XDH: variants seen among roughly 807,000 people sequenced by gnomAD.
The protein encoded by XDH is xanthine dehydrogenase, also known as xanthine dehydrogenase/oxidase.
XDH carries 138 observed loss-of-function variants against 156.1 expected under a neutral mutation model. The ratio of observed to expected loss-of-function variants is 0.88; its 90% CI spans 0.77 to 1.02. XDH has a LOEUF of 1.02. XDH is among the 50% of genes least tolerant of loss of function. The probability of loss-of-function intolerance (pLI) is 0.00; values close to 1 mark genes in which losing one functional copy is unlikely to be tolerated. For missense variants in XDH, 1,849 were observed against 1,684.9 expected (o/e 1.10, Z -1.71); for synonymous variants, 669 against 625.7 (o/e 1.07, Z -1.03).
At chr2:31,404,681 G>A (rs969117397) in intron 2 of XDH, among the ~76,000 whole-genome samples, 3 of 152,126 alleles carry the variant, frequency 2.0e-5, no homozygotes, top group African/African-American at 7.2e-5. Flanking sequence ...AGACCTCCCA[G>A]GTAGATGGGC....
intron 1 of XDH, among the ~76,000 whole-genome samples, chr2:31,410,860 A>G (rs533097610): frequency 6.6e-6 from 1 of 152,378 alleles, no homozygotes; most frequent in Admixed American, 6.5e-5. Context: ...GTAATCTTGG[A>G]TTCCGGGCTG....
At chr2:31,385,215 C>T (rs1448962549) in intron 9 of XDH, among the ~76,000 whole-genome samples, 2 of 152,082 alleles carry the variant, frequency 1.3e-5, no homozygotes, top group African/African-American at 4.8e-5. Flanking sequence ...AAAAGAAGGA[C>T]CTCCTAAGAT....
At chr2:31,374,164 C>T (rs556054176) in intron 15 of XDH, among the ~76,000 whole-genome samples, 1 of 152,268 alleles carries the variant, frequency 6.6e-6, no homozygotes, top group African/African-American at 2.4e-5. Context: ...ACTGCTAGCC[C>T]CCCAGTGGAC....
At position 31,381,630 on chromosome 2, in the gene XDH, C is replaced by A; in HGVS notation, c.1132+3G>T. On this transcript the variant is annotated splice_donor_region_variant and intron_variant, in intron 12 of 35. Coordinates refer to ENST00000379416, the MANE Select transcript of XDH (RefSeq NM_000379.4). ...TCCTGGACCTCTGCTTCAGGCAGCTCACCTCTGGACACAAGTGTCAGCTTG... is the reference window on the plus strand; with the variant it reads ...TCCTGGACCTCTGCTTCAGGCAGCTAACCTCTGGACACAAGTGTCAGCTTG... The A allele has an allele frequency of 6.2e-7, 1 of 1,614,050 alleles. No homozygotes were observed. The highest frequency in any genetic ancestry group is 8.5e-7 in the Non-Finnish European group (1 of 1,179,994).
In XDH at chr2:31,376,947, G is replaced by A. The variant is rs45549336; in HGVS notation, c.1427+106C>T. 1,513 of 1,408,112 alleles carry A rather than the reference G, an allele frequency of 1.1e-3. 21 individuals are homozygous for A. In the African/African-American group the frequency reaches 0.019, roughly 18 times the overall value. 87.2% of individuals were successfully genotyped at this position (1,408,112 alleles called of 1,614,324 possible). A position where few individuals can be genotyped will look rare whatever the true frequency, so the allele number is the denominator to read the frequency against. ...AGTAGCAGTAGTTATGGTAGTAGTA[G>A]CAGCAATAGTAATACTACTGGTAGT... On this transcript the variant is annotated intron_variant, in intron 14 of 35. Coordinates refer to ENST00000379416, the MANE Select transcript of XDH (RefSeq NM_000379.4).
chr2:31,390,231 T>C (rs1686726303), intron 6 of XDH, among the ~76,000 whole-genome samples: 2 of 152,228 alleles, frequency 1.3e-5, no homozygotes, highest in South Asian at 2.1e-4. Context: ...TCCATGGTTT[T>C]GTCTTTTCTA....
intron 24 of XDH, among the ~76,000 whole-genome samples, chr2:31,359,734 G>A (rs1333068606): frequency 6.6e-6 from 1 of 152,178 alleles, no homozygotes; most frequent in African/African-American, 2.4e-5. Context: ...GACTGGCAGT[G>A]TGCCCTGAGT....
intron 30 of XDH, 100 bp from the exon 31 acceptor site, chr2:31,344,836 C>A: frequency 7.7e-7 from 1 of 1,292,304 alleles, no homozygotes; most frequent in Non-Finnish European, 1.1e-6. Flanking sequence ...GGAAGCCAAT[C>A]AACTCATTTT....
intron 24 of XDH, among the ~76,000 whole-genome samples, chr2:31,360,484 G>C (rs1349964024): frequency 6.6e-5 from 10 of 152,148 alleles, no homozygotes; most frequent in Non-Finnish European, 1.5e-4. Flanking sequence ...CTGGGTGACA[G>C]AGTGAGACTC....
intron 34 of XDH, among the ~76,000 whole-genome samples, chr2:31,338,118 T>C (rs2042612402): frequency 6.6e-6 from 1 of 152,218 alleles, no homozygotes; most frequent in South Asian, 2.1e-4. Context: ...TACTCGGTAA[T>C]TGTATTTTAC....
chr2:31,339,595 C>T lies in XDH; in HGVS notation c.3668G>A (p.Arg1223His), dbSNP rs762431704. The T allele has an allele frequency of 4.6e-5, 75 of 1,614,036 alleles. 2 individuals are homozygous for T. The highest frequency in any genetic ancestry group is 4.6e-4 in the South Asian group (42 of 91,086). The part of the protein sequence containing the change: ...HYSPEGSLHT[R>H]GPSTYKIPAF... ...CGGGATCTTGTAGGTGCTAGGGCCA[C>T]GGGTGTGCAGGCTCCCCTCGGGGGA... The change falls in exon 34 of 36, where the codon CGT (arginine) becomes CAT (histidine). Residue 1223 changes from arginine to histidine, a missense_variant. Coordinates refer to ENST00000379416, the MANE Select transcript of XDH (RefSeq NM_000379.4).
At chr2:31,341,469 A>G (rs1158219232) in intron 32 of XDH, 75 bp from the exon 33 acceptor site, 11 of 1,452,872 alleles carry the variant, frequency 7.6e-6, no homozygotes, top group Non-Finnish European at 1.0e-5. Context: ...ACTCATAGTG[A>G]CCCTCAGACT....
chr2:31,337,103 A>G (rs570492251), intron 35 of XDH, among the ~76,000 whole-genome samples: 4 of 152,228 alleles, frequency 2.6e-5, no homozygotes, highest in South Asian at 2.1e-4. Flanking sequence ...GCAGTAATCA[A>G]TCACCCTATA....
chr2:31,357,140 G>A (rs1685646091), intron 24 of XDH, among the ~76,000 whole-genome samples: 1 of 152,110 alleles, frequency 6.6e-6, no homozygotes, highest in Admixed American at 6.6e-5. Flanking sequence ...CATTAAAAAA[G>A]AGGAAAACAT....
Position 31,339,485 on chromosome 2 carries a change from G to A in XDH, c.3774+4C>T. 6.2e-7 allele frequency: 1 copy of A among 1,613,940 alleles called. No homozygotes were observed. The highest frequency in any genetic ancestry group is 2.2e-5 in the East Asian group (1 of 44,866). The stretch of plus-strand genomic sequence containing the variant: ...GAGACAGCACAGAGCCAGAGCAATG[G>A]TACCTTCGATGCATAGATGGCCTTC... On this transcript the variant is annotated splice_donor_region_variant and intron_variant, in intron 34 of 35. Transcript: ENST00000379416.
chr2:31,358,283 T>C (rs543418773), intron 24 of XDH, among the ~76,000 whole-genome samples: 57 of 152,228 alleles, frequency 3.7e-4, no homozygotes, highest in African/African-American at 1.3e-3. Flanking sequence ...TTTAAGGCTA[T>C]CAGAAAAGAA....
intron 4 of XDH, among the ~76,000 whole-genome samples, chr2:31,400,859 C>A (rs1250296852): frequency 6.6e-6 from 1 of 152,182 alleles, no homozygotes; most frequent in Non-Finnish European, 1.5e-5. Flanking sequence ...AAATTCAAAT[C>A]TGGGAAGGCT....
chr2:31,368,755 C>T, intron 18 of XDH, 95 bp from the exon 19 acceptor site: 1 of 1,607,398 alleles, frequency 6.2e-7, no homozygotes, highest in East Asian at 2.2e-5. Context: ...AAGTCCCTGC[C>T]CTCACAATCA....
At chr2:31,347,969 C>T (rs1374915371) in intron 28 of XDH, among the ~76,000 whole-genome samples, 1 of 152,222 alleles carries the variant, frequency 6.6e-6, no homozygotes, top group Admixed American at 6.5e-5. Context: ...CCTCACTCCA[C>T]TCCGAGGAGT....
Sources: gnomAD v4.1 joint callset for allele counts (sites outside exome capture counted in the v4.1 genomes callset) on GRCh38, gnomAD v4.1.1 for gene constraint, MANE v1.5 for transcripts, NCBI Gene and HGNC (gene_info 2026-07-23, HGNC 2026-07-21) for gene names.